CTBP1: variants seen among roughly 807,000 people sequenced by gnomAD.
The protein encoded by CTBP1 is C-terminal-binding protein 1.
A neutral mutation model predicts 42.1 loss-of-function variants in CTBP1; 11 were observed. That is an observed-to-expected ratio of 0.26 (90% CI 0.16 to 0.43). The LOEUF (loss-of-function observed/expected upper bound fraction) is 0.43, where lower values mean the gene tolerates loss of function less well. CTBP1 is among the 20% of genes least tolerant of loss of function. CTBP1 has a pLI of 1.00. For missense variants in CTBP1, 399 were observed against 624.3 expected (o/e 0.64, Z 3.85); for synonymous variants, 324 against 277.1 (o/e 1.17, Z -1.68).
chr4:1,248,481 C>T (rs1262358516), intron 1 of CTBP1, among the ~76,000 whole-genome samples: 3 of 150,662 alleles, frequency 2.0e-5, no homozygotes, highest in African/African-American at 4.9e-5. Flanking sequence ...ACACCCCGAG[C>T]TGCGCACGGC....
Position 1,238,357 on chromosome 4 carries a change from G to A in CTBP1, c.8-20C>T. 1 of 1,542,332 alleles carries A rather than the reference G, an allele frequency of 6.5e-7. No homozygotes were observed. Among genetic ancestry groups the A allele is most frequent in the Non-Finnish European group, 8.7e-7 (1 of 1,143,240 alleles). ...GGACGCCTGCAAGACAGAGGCAAGT[G>A]CTCAGCCTTGCACCACTGCGGCCCC... On this transcript the variant is annotated intron_variant, in intron 2 of 9. Coordinates refer to ENST00000382952, the MANE Select transcript of CTBP1 (RefSeq NM_001012614.2). The surrounding 1 kb of genome is among the most constrained non-coding windows in gnomAD (Gnocchi z 5.9).
intron 4 of CTBP1, among the ~76,000 whole-genome samples, chr4:1,226,108 A>G (rs899576469): frequency 6.6e-6 from 1 of 151,886 alleles, no homozygotes; most frequent in African/African-American, 2.4e-5. Flanking sequence ...AGCTGGAGCC[A>G]TTCCTGGAAA....
At chr4:1,242,086 G>A (rs371408872) in intron 1 of CTBP1, 1 of 985,260 alleles carries the variant, frequency 1.0e-6, no homozygotes, top group Non-Finnish European at 1.2e-6. Flanking sequence ...GCATCCTGGC[G>A]ACGCTCCCTC....
In CTBP1 at chr4:1,249,111, G is replaced by C. The variant is rs1166912803; in HGVS notation, c.-384C>G. 5.2e-6 allele frequency: 1 copy of C among 193,242 alleles called. No homozygotes were observed. Among genetic ancestry groups the C allele is most frequent in the Non-Finnish European group, 9.1e-6 (1 of 109,950 alleles). The allele number at this position is 193,242 out of a possible 1,614,324, so 12.0% of individuals were successfully genotyped here. A position where few individuals can be genotyped will look rare whatever the true frequency, so the allele number is the denominator to read the frequency against. ...AGTCTCCGCCGCGCCGCTGAGCCGCGCTCCGACGACCGCGCGGGCGGGGAC... is the reference window on the plus strand; with the variant it reads ...AGTCTCCGCCGCGCCGCTGAGCCGCCCTCCGACGACCGCGCGGGCGGGGAC... On this transcript the variant is annotated 5_prime_UTR_variant, in exon 1 of 10. Coordinates refer to ENST00000382952, the MANE Select transcript of CTBP1 (RefSeq NM_001012614.2).
chr4:1,218,648 A>C (rs1030190448), intron 5 of CTBP1: 2 of 152,192 alleles, frequency 1.3e-5, no homozygotes, highest in African/African-American at 4.8e-5. Context: ...TCTGCATAAT[A>C]GACGTGGAAA....
chr4:1,219,042 AAGAC>A lies in CTBP1; in HGVS notation c.515-2841_515-2838del, dbSNP rs561164194. ...AATAACAGACACACTTTAAACATAA[AAGAC>A]AGAAGTCAGGCGCCGTGGCTCACAC... On this transcript the variant is annotated intron_variant, in intron 5 of 9. Transcript: ENST00000382952. 1.6e-3 allele frequency among the ~76,000 whole-genome samples: 236 copies of A among 152,212 alleles called. 2 individuals carry two copies. Among genetic ancestry groups the A allele is most frequent in the African/African-American group, 5.4e-3 (224 of 41,514 alleles).
chr4:1,248,849 GC>G (rs1733057340), intron 1 of CTBP1, 66 bp downstream of exon 1: 1 of 745,644 alleles, frequency 1.3e-6, no homozygotes, highest in Non-Finnish European at 1.6e-6. Flanking sequence ...CGCGCCCCCC[GC>G]CCGCGCGGCA....
At chr4:1,249,739 G>A, upstream of CTBP1, 2 of 368,558 alleles carry the variant, frequency 5.4e-6, no homozygotes, top group Non-Finnish European at 5.5e-6. Context: ...ACTCCTGGAG[G>A]GACCGCGTCC....
chr4:1,248,426 C>G (rs79686408), intron 1 of CTBP1, among the ~76,000 whole-genome samples: 1 of 150,236 alleles, frequency 6.7e-6, no homozygotes, highest in Non-Finnish European at 1.5e-5. Flanking sequence ...GGCCTCCCCG[C>G]GGGAGGCGCG....
At chr4:1,229,956 G>A (rs903665324) in intron 3 of CTBP1, among the ~76,000 whole-genome samples, 6 of 152,190 alleles carry the variant, frequency 3.9e-5, no homozygotes, top group African/African-American at 1.4e-4. Context: ...TCTCCAGGAA[G>A]AAGGGAAGGT....
intron 8 of CTBP1, 163 bp from the exon 9 acceptor site, chr4:1,213,193 G>T: frequency 1.3e-6 from 1 of 748,770 alleles, no homozygotes; most frequent in Non-Finnish European, 2.2e-6. Context: ...CTGGGCACTG[G>T]CACCCTTGCA....
Position 1,214,486 on chromosome 4 carries a change from A to T in CTBP1, c.730-13T>A, listed in dbSNP as rs1472299554. Reference sequence around the variant, plus strand: ...CCCCTTGTCTCATCTAGAAGACATAAGGACAGGCCAGGCCCAGTCAGGGAT... The same window carrying T: ...CCCCTTGTCTCATCTAGAAGACATATGGACAGGCCAGGCCCAGTCAGGGAT... On this transcript the variant is annotated splice_polypyrimidine_tract_variant and intron_variant, in intron 6 of 9. Transcript: ENST00000382952. 6.4e-7 allele frequency: 1 copy of T among 1,569,216 alleles called. No individual in the cohort carries two copies. The highest frequency in any genetic ancestry group is 2.0e-5 in the Admixed American group (1 of 50,758).
chr4:1,213,135 C>CT, intron 8 of CTBP1, 105 bp from the exon 9 acceptor site: 1 of 1,020,038 alleles, frequency 9.8e-7, no homozygotes, highest in Non-Finnish European at 1.5e-6. Context: ...CAGTGTGCTC[C>CT]TCCCTCTCAG....
intron 2 of CTBP1, 76 bp downstream of exon 2, chr4:1,241,249 G>A: frequency 1.3e-6 from 1 of 781,530 alleles, no homozygotes; most frequent in Non-Finnish European, 2.4e-6. Flanking sequence ...TTGATCCGAG[G>A]CAGTGCCTCC....
At chr4:1,248,446 G>A (rs922394211) in intron 1 of CTBP1, among the ~76,000 whole-genome samples, 1 of 150,526 alleles carries the variant, frequency 6.6e-6, no homozygotes, top group East Asian at 2.0e-4. Context: ...GCTCCCGCGA[G>A]TGGCCCGGGA....
Position 1,228,476 on chromosome 4 carries a change from A to G in CTBP1, c.163-133T>C. On this transcript the variant is annotated intron_variant, in intron 3 of 9. Coordinates refer to ENST00000382952, the MANE Select transcript of CTBP1 (RefSeq NM_001012614.2). ...TTGTTCCCCAAGCACCAGCCCGGACACTGGGAGAGGCTACATGAAGGCTTC... is the reference window on the plus strand; with the variant it reads ...TTGTTCCCCAAGCACCAGCCCGGACGCTGGGAGAGGCTACATGAAGGCTTC... 4 of 1,136,254 alleles carry G rather than the reference A, an allele frequency of 3.5e-6. No homozygotes were observed. The South Asian group carries it at 4.6e-5, about 13-fold the overall frequency. 70.4% of individuals were successfully genotyped at this position (1,136,254 alleles called of 1,614,324 possible). A position where few individuals can be genotyped will look rare whatever the true frequency, so the allele number is the denominator to read the frequency against.
chr4:1,233,395 T>A lies in CTBP1; in HGVS notation c.162+4788A>T, dbSNP rs1162671786. The stretch of plus-strand genomic sequence containing the variant: ...CCTCCCCACCCCCAAGGCGTGGAGA[T>A]GCTTGTCTTGCAGGAGTGCAACTGT... On this transcript the variant is annotated intron_variant, in intron 3 of 9. Transcript: ENST00000382952. The surrounding 1 kb of genome is among the most constrained non-coding windows in gnomAD (Gnocchi z 4.6). Among the ~76,000 whole-genome samples, 1 of 152,220 alleles carries A rather than the reference T, an allele frequency of 6.6e-6. No individual in the cohort carries two copies. The highest frequency in any genetic ancestry group is 1.5e-5 in the Non-Finnish European group (1 of 68,026).
At chr4:1,242,945 A>C in intron 1 of CTBP1, 11 of 984,742 alleles carry the variant, frequency 1.1e-5, no homozygotes, top group Non-Finnish European at 1.3e-5. Flanking sequence ...GCCGATACTC[A>C]TCAATGCCAG....
chr4:1,240,026 A>G (rs767953916), intron 2 of CTBP1, among the ~76,000 whole-genome samples: 25 of 152,206 alleles, frequency 1.6e-4, no homozygotes, highest in Non-Finnish European at 3.2e-4. Flanking sequence ...GAGTGAGTGG[A>G]TAGACATCCG....
Sources: gnomAD v4.1 joint callset for allele counts (sites outside exome capture counted in the v4.1 genomes callset) on GRCh38, gnomAD v4.1.1 for gene constraint, Gnocchi (gnomAD v3.1) non-coding constraint, MANE v1.5 for transcripts, NCBI Gene and HGNC (gene_info 2026-07-23, HGNC 2026-07-21) for gene names.